The following WASHC3 variants were observed in gnomAD, a reference collection of about 807,000 sequenced individuals.
WASHC3 encodes WASH complex subunit CCDC53.
Under a neutral mutation model 26.1 loss-of-function variants are expected in WASHC3, and 24 were observed. The observed-to-expected ratio is 0.92, with a 90% confidence interval of 0.66 to 1.29. The LOEUF is 1.29. WASHC3 is among the 50% of genes most tolerant of loss of function. The pLI is 0.00. For synonymous variants in WASHC3, 77 were observed against 75.7 expected, an observed-to-expected ratio of 1.02 and a Z score of -0.09; for missense variants, 214 against 229.6, an observed-to-expected ratio of 0.93 and a Z score of 0.44.
intron 5 of WASHC3, among the ~76,000 whole-genome samples, chr12:102,032,763 A>C (rs1877490575): frequency 6.6e-6 from 1 of 152,158 alleles, no homozygotes; most frequent in South Asian, 2.1e-4. Context: ...ATGTGATGGC[A>C]AAGCTAAGAA....
In WASHC3 at chr12:102,061,361, A is replaced by C; in HGVS notation, c.52-15T>G. 6.4e-7 allele frequency: 1 copy of C among 1,565,310 alleles called. No individual in the cohort carries two copies. Among genetic ancestry groups the C allele is most frequent in the Non-Finnish European group, 8.8e-7 (1 of 1,135,862 alleles). Reference sequence around the variant, plus strand: ...ATAGCTGGCACCTGTGTTACGTAAAAACAAACATGGTTCATACAGGAGGAA... The same window carrying C: ...ATAGCTGGCACCTGTGTTACGTAAACACAAACATGGTTCATACAGGAGGAA... On this transcript the variant is annotated splice_polypyrimidine_tract_variant and intron_variant, in intron 1 of 6. Transcript: ENST00000240079.
rs189532542 is a variant in WASHC3 at position 102,039,883 on chromosome 12, G to A, written c.420C>T (p.Leu140=). 1,602 of 1,553,532 alleles carry A rather than the reference G, an allele frequency of 1.0e-3. 3 individuals carry two copies. Among genetic ancestry groups the A allele is most frequent in the Non-Finnish European group, 1.3e-3 (1,425 of 1,125,696 alleles). Residue 140 remains leucine, a synonymous_variant, in exon 5 of 7, where the codon CTC becomes CTT. Coordinates refer to ENST00000240079, the MANE Select transcript of WASHC3 (RefSeq NM_016053.4). ...GTTAGCTTACCACTTGAACCATTTT[G>A]AGATATCTGGCATATCTTGGATCCT... is the stretch of plus-strand genomic sequence containing the variant. The part of the protein sequence containing the change: ...VAKDPRYARY[L]KMVQVGVPVM...
chr12:102,053,644 C>G (rs10860837), intron 2 of WASHC3, among the ~76,000 whole-genome samples: 5,430 of 152,104 alleles, frequency 0.036, 390 homozygotes, highest in East Asian at 0.3. Flanking sequence ...TTTAGGGAAA[C>G]TCAGTGGACT....
intron 6 of WASHC3, among the ~76,000 whole-genome samples, chr12:102,014,594 G>A (rs892029594): frequency 2.0e-5 from 3 of 152,026 alleles, no homozygotes; most frequent in Admixed American, 6.6e-5. Context: ...AGAAAATAAT[G>A]CTGGCATTGC....
chr12:102,032,385 TCAC>T (rs1383476257), intron 5 of WASHC3, among the ~76,000 whole-genome samples: 1 of 152,172 alleles, frequency 6.6e-6, no homozygotes, highest in Non-Finnish European at 1.5e-5. Context: ...GGCAGAGGAT[TCAC>T]CATGATCTGC....
intron 5 of WASHC3, among the ~76,000 whole-genome samples, chr12:102,028,828 A>G (rs910282473): frequency 5.3e-5 from 8 of 150,946 alleles, no homozygotes; most frequent in Non-Finnish European, 8.9e-5. Context: ...GAATTATAAG[A>G]ATAATAAGAA....
chr12:102,052,572 G>A (rs1013793923), intron 2 of WASHC3, among the ~76,000 whole-genome samples: 3 of 151,952 alleles, frequency 2.0e-5, no homozygotes, highest in Admixed American at 6.5e-5. Context: ...GTGGCCCTAG[G>A]TTCTGGACCA....
At chr12:102,015,816 A>T (rs1876676026) in intron 6 of WASHC3, among the ~76,000 whole-genome samples, 1 of 152,252 alleles carries the variant, frequency 6.6e-6, no homozygotes, top group South Asian at 2.1e-4. Flanking sequence ...TGAACTGCAT[A>T]GGACGGTGGT....
chr12:102,023,640 A>G (rs1306556671), intron 6 of WASHC3, among the ~76,000 whole-genome samples: 1 of 152,178 alleles, frequency 6.6e-6, no homozygotes, highest in African/African-American at 2.4e-5. Context: ...GACTGCACTT[A>G]TCACATCTAG....
rs73382863 is a variant in WASHC3 at position 102,050,515 on chromosome 12, T to C, written c.151-4396A>G. On this transcript the variant is annotated intron_variant, in intron 2 of 6. Transcript: ENST00000240079. ...ACAATTAGCCGGGTGTGGTGACACA[T>C]GCCTATAGTCCAAGCTTCTAGGGAG... 1.3e-3 allele frequency: 584 copies of C among 444,008 alleles called. 2 individuals carry two copies. Among genetic ancestry groups the C allele is most frequent in the African/African-American group, 0.011 (522 of 48,688 alleles). 27.5% of individuals were successfully genotyped at this position (444,008 alleles called of 1,614,324 possible).
At chr12:102,017,877 C>A in intron 6 of WASHC3, 1 of 353,364 alleles carries the variant, frequency 2.8e-6, no homozygotes, top group Non-Finnish European at 5.4e-6. Context: ...GTGTTTAGTA[C>A]ATTCACATTG....
At chr12:102,047,904 C>T (rs1453383125) in intron 2 of WASHC3, among the ~76,000 whole-genome samples, 1 of 152,140 alleles carries the variant, frequency 6.6e-6, no homozygotes, top group African/African-American at 2.4e-5. Context: ...AAAGTAGGAA[C>T]TATTATGCCA....
intron 6 of WASHC3, among the ~76,000 whole-genome samples, chr12:102,019,601 A>C (rs1328159967): frequency 6.6e-6 from 1 of 152,194 alleles, no homozygotes; most frequent in South Asian, 2.1e-4. Context: ...TATCATGTAT[A>C]TTTTTTAAAA....
chr12:102,036,419 T>C (rs545627899), intron 5 of WASHC3, among the ~76,000 whole-genome samples: 34 of 150,162 alleles, frequency 2.3e-4, no homozygotes, highest in Non-Finnish European at 4.6e-4. Flanking sequence ...GAAATAAAAG[T>C]TGGGTAATAA....
intron 6 of WASHC3, among the ~76,000 whole-genome samples, chr12:102,014,035 G>A (rs1876592956): frequency 6.6e-6 from 1 of 150,806 alleles, no homozygotes; most frequent in African/African-American, 2.4e-5. Context: ...TTTTGGGGGG[G>A]AAACCAAGAG....
intron 5 of WASHC3, among the ~76,000 whole-genome samples, chr12:102,027,512 A>G (rs11111138): frequency 0.12 from 18,505 of 152,200 alleles, 1,382 homozygotes; most frequent in Middle Eastern, 0.2. Context: ...CTTGCATCTC[A>G]CAGATCTTGC....
At chr12:102,044,283 G>T in intron 3 of WASHC3, 71 bp from the exon 4 acceptor site, 1 of 659,584 alleles carries the variant, frequency 1.5e-6, no homozygotes, top group Non-Finnish European at 2.5e-6. Context: ...TTTAATAGCT[G>T]TCTTAAGTTT....
intron 4 of WASHC3, among the ~76,000 whole-genome samples, chr12:102,042,496 C>G (rs900214480): frequency 6.6e-6 from 1 of 152,088 alleles, no homozygotes; most frequent in Non-Finnish European, 1.5e-5. Flanking sequence ...GCTCTTGGCA[C>G]CAGACTGTCT....
intron 2 of WASHC3, among the ~76,000 whole-genome samples, chr12:102,050,966 C>G (rs1344604550): frequency 6.6e-6 from 1 of 152,260 alleles, no homozygotes; most frequent in East Asian, 1.9e-4. Context: ...GTCATCTAAT[C>G]TCTCTTCTAC....
Sources: allele counts gnomAD v4.1 joint callset (sites outside exome capture counted in the v4.1 genomes callset), GRCh38; gene constraint gnomAD v4.1.1; transcripts MANE v1.5; gene names NCBI Gene and HGNC (gene_info 2026-07-23, HGNC 2026-07-21).